INSR: variants seen among roughly 807,000 people sequenced by gnomAD.
The protein encoded by INSR is insulin receptor.
In INSR, 67 loss-of-function variants were observed where a neutral mutation model predicts 142.6. The ratio of observed to expected loss-of-function variants is 0.47; its 90% confidence interval spans 0.39 to 0.58. The LOEUF (loss-of-function observed/expected upper bound fraction) is 0.58. Ranked by LOEUF, INSR falls within the 20% of genes least tolerant of loss-of-function variation. INSR has a pLI of 0.00. For missense variants in INSR, 1,248 were observed against 1,833.2 expected (o/e 0.68, Z 5.83); for synonymous variants, 756 against 743.1 (o/e 1.02, Z -0.28).
At position 7,114,044 on chromosome 19, in the gene INSR, T is replaced by C. The variant is rs1219396272; in HGVS notation, c.*3012A>G. 9 of 112,986 alleles carry C rather than the reference T, an allele frequency of 8.0e-5. No individual in the cohort carries two copies. Among genetic ancestry groups the C allele is most frequent in the Non-Finnish European group, 1.3e-4 (7 of 55,290 alleles). The allele number at this position is 112,986 out of a possible 1,614,324, so 7.0% of individuals were successfully genotyped here. ...CCCAACACAGAGGTCCAAGGTGTTG[T>C]TGCAAAAAAAAAAAAAAAAAAAAAA... is the stretch of plus-strand genomic sequence containing the variant. On this transcript the variant is annotated 3_prime_UTR_variant, in exon 22 of 22. Coordinates refer to ENST00000302850, the MANE Select transcript of INSR (RefSeq NM_000208.4).
intron 3 of INSR, among the ~76,000 whole-genome samples, chr19:7,184,044 C>A (rs1474908759): frequency 2.1e-5 from 2 of 94,164 alleles, no homozygotes; most frequent in African/African-American, 4.4e-5. Context: ...GGGAGTCTTG[C>A]GGCAAGACTC....
chr19:7,179,860 G>A (rs889241846), intron 3 of INSR, among the ~76,000 whole-genome samples: 2 of 152,228 alleles, frequency 1.3e-5, no homozygotes, highest in African/African-American at 2.4e-5. Flanking sequence ...CCACCAAGAA[G>A]TGGAGTCTAT....
At chr19:7,158,399 G>A (rs565156373) in intron 9 of INSR, among the ~76,000 whole-genome samples, 2 of 152,156 alleles carry the variant, frequency 1.3e-5, no homozygotes, top group African/African-American at 4.8e-5. Flanking sequence ...TACTCGGGAG[G>A]CTGACGCAGG....
At chr19:7,280,052 T>C (rs575569329) in intron 1 of INSR, among the ~76,000 whole-genome samples, 1 of 139,928 alleles carries the variant, frequency 7.1e-6, no homozygotes, top group Admixed American at 7.2e-5. Flanking sequence ...GATCACGAGG[T>C]CAAGAGATTG....
At position 7,125,146 on chromosome 19, in the gene INSR, A is replaced by T. The variant is rs1972614598; in HGVS notation, c.3258+137T>A. The T allele has an allele frequency of 1.9e-6, 2 of 1,034,008 alleles. No individual in the cohort carries two copies. 64.1% of individuals were successfully genotyped at this position (1,034,008 alleles called of 1,614,324 possible). A position where few individuals can be genotyped will look rare whatever the true frequency, so the allele number is the denominator to read the frequency against. ...GGGAATGATCCCTCCTCACACCTCT[A>T]GGATGGGAAGCTTAGTGGAGTGAGG... On this transcript the variant is annotated intron_variant, in intron 17 of 21. Coordinates refer to ENST00000302850, the MANE Select transcript of INSR (RefSeq NM_000208.4). The surrounding 1 kb of genome is among the most constrained non-coding windows in gnomAD (Gnocchi z 4.9).
intron 13 of INSR, among the ~76,000 whole-genome samples, chr19:7,139,893 G>A (rs1973026487): frequency 7.7e-6 from 1 of 129,458 alleles, no homozygotes; most frequent in Non-Finnish European, 1.5e-5. Flanking sequence ...GCACGATCTT[G>A]GCTCACTGCA....
At chr19:7,270,853 G>A (rs1344148013) in intron 1 of INSR, among the ~76,000 whole-genome samples, 3 of 152,052 alleles carry the variant, frequency 2.0e-5, no homozygotes, top group Non-Finnish European at 2.9e-5. Flanking sequence ...GAGGTCAGGA[G>A]ATCAAAACCA....
chr19:7,185,525 G>A (rs1447724109), intron 2 of INSR, among the ~76,000 whole-genome samples: 1 of 152,130 alleles, frequency 6.6e-6, no homozygotes, highest in African/African-American at 2.4e-5. Flanking sequence ...AAGGTCTAAT[G>A]GAGGAGACAT....
Position 7,166,074 on chromosome 19 carries a change from T to A in INSR, c.1861+80A>T, listed in dbSNP as rs1973881906. The A allele has an allele frequency of 6.5e-7, 1 of 1,549,864 alleles. No individual in the cohort carries two copies. Among genetic ancestry groups the A allele is most frequent in the African/African-American group, 1.4e-5 (1 of 73,504 alleles). ...CCAATAACCATATCAAGGAGCATTT[T>A]ATACAACCTCACTGCATCAGCCTAT... On this transcript the variant is annotated intron_variant, in intron 8 of 21. Coordinates refer to ENST00000302850, the MANE Select transcript of INSR (RefSeq NM_000208.4). This position sits in a 1 kb window ranked among gnomAD's most constrained non-coding sequence, Gnocchi z 4.1.
At chr19:7,203,861 C>T (rs1975032578) in intron 2 of INSR, among the ~76,000 whole-genome samples, 2 of 152,182 alleles carry the variant, frequency 1.3e-5, no homozygotes, top group Non-Finnish European at 2.9e-5. Context: ...TTCCTAAAAG[C>T]CAGGATGACT....
intron 2 of INSR, among the ~76,000 whole-genome samples, chr19:7,197,371 G>A (rs551426128): frequency 6.6e-6 from 1 of 152,362 alleles, no homozygotes; most frequent in South Asian, 2.1e-4. Flanking sequence ...GAGGGAGTGA[G>A]TCCGTCCACG....
At chr19:7,200,673 T>C (rs1007981987) in intron 2 of INSR, among the ~76,000 whole-genome samples, 1 of 151,762 alleles carries the variant, frequency 6.6e-6, no homozygotes, top group Admixed American at 6.6e-5. Context: ...ACCTCATCTC[T>C]ATTTCTTAAA....
At chr19:7,212,223 G>C (rs1975297193) in intron 2 of INSR, among the ~76,000 whole-genome samples, 1 of 152,118 alleles carries the variant, frequency 6.6e-6, no homozygotes, top group South Asian at 2.1e-4. Flanking sequence ...TCTTGCCAGA[G>C]CCAGAGGGAA....
At chr19:7,118,775 C>T (rs773426092) in intron 21 of INSR, among the ~76,000 whole-genome samples, 67 of 147,698 alleles carry the variant, frequency 4.5e-4, no homozygotes, top group Non-Finnish European at 7.6e-4. Context: ...ATTAGCCAGG[C>T]GCGGTGGTGG....
At chr19:7,190,283 C>G (rs1000215687) in intron 2 of INSR, among the ~76,000 whole-genome samples, 1 of 151,812 alleles carries the variant, frequency 6.6e-6, no homozygotes, top group Non-Finnish European at 1.5e-5. Context: ...CTTCTTATTT[C>G]AGTGACTATA....
intron 2 of INSR, among the ~76,000 whole-genome samples, chr19:7,186,466 AT>A (rs143345978): frequency 0.016 from 2,427 of 150,108 alleles, 28 homozygotes; most frequent in Middle Eastern, 0.034. Context: ...AGGAAATCCA[AT>A]TTTTTTTTTA....
intron 3 of INSR, among the ~76,000 whole-genome samples, chr19:7,176,446 C>T (rs1302945241): frequency 6.6e-6 from 1 of 152,128 alleles, no homozygotes; most frequent in East Asian, 1.9e-4. Flanking sequence ...ACTAAAAATA[C>T]AAAAATTAAC....
intron 2 of INSR, among the ~76,000 whole-genome samples, chr19:7,253,276 T>C (rs889658412): frequency 5.3e-5 from 8 of 152,052 alleles, no homozygotes; most frequent in African/African-American, 1.9e-4. Flanking sequence ...TTTGCTTTTG[T>C]CACCCAGGCT....
intron 10 of INSR, chr19:7,152,403 G>GA: frequency 2.9e-6 from 1 of 345,868 alleles, no homozygotes; most frequent in African/African-American, 2.2e-5. Flanking sequence ...AAGAGAGAGA[G>GA]AGAAAAAAAA....
Sources: gnomAD v4.1 joint callset for allele counts (sites outside exome capture counted in the v4.1 genomes callset) on GRCh38, gnomAD v4.1.1 for gene constraint, Gnocchi (gnomAD v3.1) non-coding constraint, MANE v1.5 for transcripts, NCBI Gene and HGNC (gene_info 2026-07-23, HGNC 2026-07-21) for gene names.